MAGI2: variants seen among roughly 807,000 people sequenced by gnomAD.
MAGI2 encodes membrane associated guanylate kinase, WW and PDZ domain containing 2.
In MAGI2, 35 loss-of-function variants were observed where a neutral mutation model predicts 133.3. That is an observed-to-expected ratio of 0.26 (90% CI 0.20 to 0.35). The LOEUF is 0.35. MAGI2 is among the 10% of genes least tolerant of loss of function. MAGI2 has a pLI of 1.00. For missense variants in MAGI2, 1,636 were observed against 1,863.4 expected (o/e 0.88, Z 2.25); for synonymous variants, 729 against 710.6 (o/e 1.03, Z -0.41).
At chr7:78,665,453 T>C (rs575546364) in intron 2 of MAGI2, among the ~76,000 whole-genome samples, 3 of 152,166 alleles carry the variant, frequency 2.0e-5, no homozygotes, top group Admixed American at 6.6e-5. Flanking sequence ...AAACTTAATA[T>C]ACATCGTGCT....
chr7:78,559,036 T>G (rs1006426814), intron 3 of MAGI2, among the ~76,000 whole-genome samples: 1 of 148,232 alleles, frequency 6.7e-6, no homozygotes, highest in African/African-American at 2.5e-5. Flanking sequence ...TCTCTGGTAA[T>G]AGAGGAAAGG....
chr7:78,556,679 C>T (rs1210786408), intron 3 of MAGI2, among the ~76,000 whole-genome samples: 10 of 152,164 alleles, frequency 6.6e-5, no homozygotes, highest in Admixed American at 6.5e-4. Flanking sequence ...GTCTAAGTAT[C>T]TTCACATATT....
intron 2 of MAGI2, among the ~76,000 whole-genome samples, chr7:78,777,474 A>G (rs1473149521): frequency 6.6e-6 from 1 of 152,104 alleles, no homozygotes; most frequent in Non-Finnish European, 1.5e-5. Context: ...TGTCACCATC[A>G]ATATCATCAT....
intron 2 of MAGI2, among the ~76,000 whole-genome samples, chr7:78,863,805 A>G (rs1241945020): frequency 6.6e-6 from 1 of 152,236 alleles, no homozygotes; most frequent in Non-Finnish European, 1.5e-5. Context: ...CTCAATGTCA[A>G]GTGTCTCCTG....
In MAGI2 at chr7:78,056,809, C is replaced by A. The variant is rs374538742; in HGVS notation, c.3706+22138G>T. ...AAACCTGCACATCCTGCACATGGACCCTGAACTTAAAAGTTGAAGAAAAAA... is the reference window on the plus strand; with the variant it reads ...AAACCTGCACATCCTGCACATGGACACTGAACTTAAAAGTTGAAGAAAAAA... On this transcript the variant is annotated intron_variant, in intron 21 of 21. Coordinates refer to ENST00000354212, the MANE Select transcript of MAGI2 (RefSeq NM_012301.4). 1.1e-4 allele frequency among the ~76,000 whole-genome samples: 17 copies of A among 151,990 alleles called. No homozygotes were observed. The East Asian group carries it at 1.4e-3, about 12-fold the overall frequency.
At chr7:79,327,048 A>G (rs1839746954) in intron 1 of MAGI2, among the ~76,000 whole-genome samples, 1 of 152,192 alleles carries the variant, frequency 6.6e-6, no homozygotes. Context: ...AAATCATTTT[A>G]CATGATATTA....
At chr7:78,170,855 G>A (rs1266159624) in intron 14 of MAGI2, 1 of 151,738 alleles carries the variant, frequency 6.6e-6, no homozygotes, top group Non-Finnish European at 1.5e-5. Flanking sequence ...TATATAATGT[G>A]TCCTTAGCTG....
intron 2 of MAGI2, among the ~76,000 whole-genome samples, chr7:78,925,915 T>C (rs548313208): frequency 4.6e-5 from 7 of 152,138 alleles, no homozygotes; most frequent in African/African-American, 1.7e-4. Flanking sequence ...GGTGTCCTAA[T>C]ACCAAACATT....
chr7:79,349,985 T>C (rs1841585524), intron 1 of MAGI2, among the ~76,000 whole-genome samples: 1 of 152,068 alleles, frequency 6.6e-6, no homozygotes, highest in South Asian at 2.1e-4. Flanking sequence ...AAACTAAAGA[T>C]GCACAGTCTA....
At chr7:78,346,678 T>G (rs78044723) in intron 7 of MAGI2, among the ~76,000 whole-genome samples, 10,048 of 152,256 alleles carry the variant, frequency 0.066, 445 homozygotes, top group South Asian at 0.13. Flanking sequence ...AAGCAACTGT[T>G]GCCCAGCTAA....
chr7:78,913,966 T>C (rs531041457), intron 2 of MAGI2, among the ~76,000 whole-genome samples: 1 of 152,332 alleles, frequency 6.6e-6, no homozygotes, highest in African/African-American at 2.4e-5. Flanking sequence ...GCTACATGTG[T>C]ATTCAAGGTG....
chr7:78,069,173 G>C (rs1814174841), intron 21 of MAGI2, among the ~76,000 whole-genome samples: 1 of 152,140 alleles, frequency 6.6e-6, no homozygotes, highest in African/African-American at 2.4e-5. Context: ...AGACTTGATG[G>C]GCAAAGGCTG....
intron 2 of MAGI2, among the ~76,000 whole-genome samples, chr7:78,703,231 C>T (rs1370190998): frequency 6.6e-6 from 1 of 151,908 alleles, no homozygotes; most frequent in Non-Finnish European, 1.5e-5. Context: ...TTTATTCTTG[C>T]AAAAGTTTAT....
chr7:78,157,479 G>C (rs1824511190), intron 16 of MAGI2, among the ~76,000 whole-genome samples: 1 of 152,058 alleles, frequency 6.6e-6, no homozygotes, highest in Non-Finnish European at 1.5e-5. Context: ...AATAGGAAAA[G>C]TGTTTGTAGT....
At chr7:79,396,338 G>A (rs959727857) in intron 1 of MAGI2, among the ~76,000 whole-genome samples, 1 of 152,248 alleles carries the variant, frequency 6.6e-6, no homozygotes, top group Middle Eastern at 3.4e-3. Flanking sequence ...CAGAGCCATA[G>A]AACAGAAGGG....
At chr7:79,020,576 C>G (rs1375337799) in intron 1 of MAGI2, among the ~76,000 whole-genome samples, 1 of 151,968 alleles carries the variant, frequency 6.6e-6, no homozygotes. Context: ...ACCATCCTGG[C>G]TAACATGGTG....
chr7:78,588,884 C>G (rs1803695319), intron 3 of MAGI2, among the ~76,000 whole-genome samples: 1 of 152,148 alleles, frequency 6.6e-6, no homozygotes, highest in African/African-American at 2.4e-5. Flanking sequence ...CCGAATTCAT[C>G]TAATACACTA....
intron 2 of MAGI2, among the ~76,000 whole-genome samples, chr7:78,877,441 T>A (rs1795516716): frequency 6.6e-6 from 1 of 152,182 alleles, no homozygotes; most frequent in African/African-American, 2.4e-5. Context: ...GAAACACAAT[T>A]TTTTGAGGTA....
chr7:79,068,350 G>A, intron 1 of MAGI2, among the ~76,000 whole-genome samples: 1 of 152,136 alleles, frequency 6.6e-6, no homozygotes, highest in East Asian at 1.9e-4. Context: ...TATGTGTCCA[G>A]GAATTTATCC....
Sources: gnomAD v4.1 joint callset for allele counts (sites outside exome capture counted in the v4.1 genomes callset) on GRCh38, gnomAD v4.1.1 for gene constraint, MANE v1.5 for transcripts, NCBI Gene and HGNC (gene_info 2026-07-23, HGNC 2026-07-21) for gene names.